HIVEP3: variants seen among roughly 807,000 people sequenced by gnomAD.
HIVEP3 encodes transcription factor HIVEP3.
Under a neutral mutation model 152.8 loss-of-function variants are expected in HIVEP3, and 49 were observed. That is an observed-to-expected ratio of 0.32 (90% CI 0.26 to 0.41). The LOEUF (loss-of-function observed/expected upper bound fraction) is 0.41, where lower values mean the gene tolerates loss of function less well. Ranked by LOEUF, HIVEP3 falls within the 10% of genes least tolerant of loss-of-function variation. The pLI is 1.00. For missense variants in HIVEP3, 2,790 were observed against 3,103.3 expected (o/e 0.90, Z 2.40); for synonymous variants, 1,269 against 1,289.0 (o/e 0.98, Z 0.33).
intron 1 of HIVEP3, among the ~76,000 whole-genome samples, chr1:41,968,600 T>C (rs1229418769): frequency 2.0e-5 from 3 of 152,138 alleles, no homozygotes; most frequent in Non-Finnish European, 4.4e-5. Context: ...ACAGCCAATA[T>C]CATACTGAAT....
At chr1:41,880,997 T>C (rs530783364) in intron 1 of HIVEP3, among the ~76,000 whole-genome samples, 1 of 152,362 alleles carries the variant, frequency 6.6e-6, no homozygotes, top group African/African-American at 2.4e-5. Context: ...TGTGTTATCT[T>C]AGCCTAGCTT....
At chr1:41,835,882 AGAGT>A (rs1643108052) in intron 1 of HIVEP3, among the ~76,000 whole-genome samples, 5 of 152,246 alleles carry the variant, frequency 3.3e-5, no homozygotes, top group South Asian at 2.1e-4. Flanking sequence ...CACTATAGAT[AGAGT>A]ATTATGCAAA....
At chr1:41,796,440 C>T (rs540209140) in intron 1 of HIVEP3, among the ~76,000 whole-genome samples, 2 of 152,358 alleles carry the variant, frequency 1.3e-5, no homozygotes, top group African/African-American at 4.8e-5. Context: ...AATCCCAGCC[C>T]TGCCACTAAC....
At chr1:41,889,695 C>T (rs1644416655) in intron 1 of HIVEP3, among the ~76,000 whole-genome samples, 1 of 152,126 alleles carries the variant, frequency 6.6e-6, no homozygotes, top group Non-Finnish European at 1.5e-5. Flanking sequence ...GGTAGGGAGC[C>T]CTGTGGGGAA....
At chr1:41,818,679 G>T (rs1325006519) in intron 1 of HIVEP3, among the ~76,000 whole-genome samples, 1 of 152,164 alleles carries the variant, frequency 6.6e-6, no homozygotes, top group Non-Finnish European at 1.5e-5. Context: ...CCAGTCAGTA[G>T]CAGATGATAT....
chr1:41,617,092 G>C (rs1032730518), intron 3 of HIVEP3, among the ~76,000 whole-genome samples: 1 of 152,158 alleles, frequency 6.6e-6, no homozygotes, highest in African/African-American at 2.4e-5. Context: ...TCCAAACAGA[G>C]ACAGGATCTG....
chr1:41,992,306 G>C (rs1470971773), intron 1 of HIVEP3, among the ~76,000 whole-genome samples: 2 of 151,816 alleles, frequency 1.3e-5, no homozygotes, highest in Non-Finnish European at 2.9e-5. Flanking sequence ...AAAGTCTCAG[G>C]ATACAAAATA....
chr1:41,744,805 C>T (rs1647048771), intron 1 of HIVEP3, among the ~76,000 whole-genome samples: 1 of 152,026 alleles, frequency 6.6e-6, no homozygotes, highest in African/African-American at 2.4e-5. Context: ...TATTACATTC[C>T]AACACATACA....
chr1:41,537,879 A>C (rs1015865241), intron 5 of HIVEP3, among the ~76,000 whole-genome samples: 3 of 152,236 alleles, frequency 2.0e-5, no homozygotes, highest in Non-Finnish European at 2.9e-5. Context: ...CCACCAGCAC[A>C]GTCTCTGTTC....
chr1:41,704,073 C>T (rs1051362131), intron 1 of HIVEP3, among the ~76,000 whole-genome samples: 1 of 152,232 alleles, frequency 6.6e-6, no homozygotes, highest in African/African-American at 2.4e-5. Context: ...AATACTCACA[C>T]CTACCTTGAA....
At position 41,820,807 on chromosome 1, in the gene HIVEP3, C is replaced by T. The variant is rs7550709; in HGVS notation, c.-801+97606G>A. 4.2e-3 allele frequency among the ~76,000 whole-genome samples: 645 copies of T among 152,334 alleles called. 9 individuals are homozygous for T. Among genetic ancestry groups the T allele is most frequent in the African/African-American group, 0.015 (623 of 41,560 alleles). The stretch of plus-strand genomic sequence containing the variant: ...ATATTTTTATGTATTTTGCTCACGG[C>T]TAAATCCCCAGTGTCAACCAATACC... On this transcript the variant is annotated intron_variant, in intron 1 of 8. Coordinates refer to ENST00000372583, the MANE Select transcript of HIVEP3 (RefSeq NM_024503.5).
At chr1:42,004,980 G>A (rs1195088573) in intron 1 of HIVEP3, among the ~76,000 whole-genome samples, 2 of 152,180 alleles carry the variant, frequency 1.3e-5, no homozygotes, top group African/African-American at 4.8e-5. Context: ...GCTTCGAACG[G>A]TCAATATCTG....
At chr1:41,568,467 G>A (rs1051415411) in intron 5 of HIVEP3, among the ~76,000 whole-genome samples, 7 of 152,238 alleles carry the variant, frequency 4.6e-5, no homozygotes, top group Non-Finnish European at 1.0e-4. Context: ...GCACATGCAG[G>A]CCCGTGAGGG....
chr1:41,567,784 C>T lies in HIVEP3; in HGVS notation c.5207+7760G>A, dbSNP rs138025767. 9.5e-3 allele frequency among the ~76,000 whole-genome samples: 1,448 copies of T among 152,340 alleles called. 23 individuals carry two copies. Among genetic ancestry groups the T allele is most frequent in the African/African-American group, 0.033 (1,366 of 41,568 alleles). ...AACACCTGCAGAGCAGAATGGTCTG[C>T]AAGGAAGAGTCCTTGGCTCCCAACC... On this transcript the variant is annotated intron_variant, in intron 5 of 8. Transcript: ENST00000372583.
intron 5 of HIVEP3, among the ~76,000 whole-genome samples, chr1:41,526,797 G>A (rs569745774): frequency 1.1e-4 from 8 of 70,376 alleles, no homozygotes; most frequent in Middle Eastern, 0.013. Context: ...ACCCTCACAC[G>A]CTCACCCTCA....
At chr1:41,554,971 G>T (rs961926706) in intron 5 of HIVEP3, among the ~76,000 whole-genome samples, 1 of 152,220 alleles carries the variant, frequency 6.6e-6, no homozygotes, top group Non-Finnish European at 1.5e-5. Context: ...TGAGGAGGCA[G>T]TCTGTCTGTT....
In HIVEP3 at chr1:41,619,590, A is replaced by C. The variant is rs141078628; in HGVS notation, c.-522+9159T>G. On this transcript the variant is annotated intron_variant, in intron 3 of 8. Coordinates refer to ENST00000372583, the MANE Select transcript of HIVEP3 (RefSeq NM_024503.5). Reference sequence around the variant, plus strand: ...GTAGGGCCGAAGGTAAGGATGACCTACCTCTTTGAGGATGGATGAGGATGG... The same window carrying C: ...GTAGGGCCGAAGGTAAGGATGACCTCCCTCTTTGAGGATGGATGAGGATGG... Among the ~76,000 whole-genome samples the C allele has an allele frequency of 1.7e-3, 258 of 152,140 alleles. 5 individuals carry two copies. The highest frequency in any genetic ancestry group is 0.016 in the South Asian group (78 of 4,820).
At position 41,974,592 on chromosome 1, in the gene HIVEP3, G is replaced by A. The variant is rs1209073227; in HGVS notation, n.120-56068C>T. On this transcript the variant is annotated intron_variant and non_coding_transcript_variant, in intron 1 of 3. Transcript: ENST00000489103. ...TGAAGCTCTTTGTCTCTGGTCCCTGGGATGTCCTGTGTGCTGTGCTCTCTG... is the reference window on the plus strand; with the variant it reads ...TGAAGCTCTTTGTCTCTGGTCCCTGAGATGTCCTGTGTGCTGTGCTCTCTG... Among the ~76,000 whole-genome samples the A allele has an allele frequency of 2.0e-5, 3 of 151,500 alleles. No homozygotes were observed. In the East Asian group the frequency reaches 5.8e-4, roughly 29 times the overall value.
At chr1:41,840,797 C>T (rs1643264873) in intron 1 of HIVEP3, among the ~76,000 whole-genome samples, 1 of 152,184 alleles carries the variant, frequency 6.6e-6, no homozygotes, top group South Asian at 2.1e-4. Context: ...GGAAGGAGGC[C>T]AGGCATGCTG....
Sources: gnomAD v4.1 joint callset for allele counts (sites outside exome capture counted in the v4.1 genomes callset) on GRCh38, gnomAD v4.1.1 for gene constraint, MANE v1.5 for transcripts, NCBI Gene and HGNC (gene_info 2026-07-23, HGNC 2026-07-21) for gene names.